Variants in KANSL1 observed in about 807,000 individuals in gnomAD.
KANSL1 encodes the protein KAT8 regulatory NSL complex subunit 1.
In KANSL1, 22 loss-of-function variants were observed where a neutral mutation model predicts 103.6. The ratio of observed to expected loss-of-function variants is 0.21; its 90% CI spans 0.15 to 0.30. The LOEUF is 0.30. Among genes scored for constraint, KANSL1 ranks in the 10% least tolerant of loss-of-function variants. The pLI is 1.00. For missense variants in KANSL1, 1,337 were observed against 1,399.8 expected (o/e 0.96, Z 0.72); for synonymous variants, 600 against 527.6 (o/e 1.14, Z -1.88).
intron 1 of KANSL1, among the ~76,000 whole-genome samples, chr17:46,174,132 T>G (rs2046409747): frequency 8.6e-6 from 1 of 115,714 alleles, no homozygotes; most frequent in Non-Finnish European, 2.3e-5. Context: ...TTTGAAAACT[T>G]GTATCAACAA....
At chr17:46,152,800 G>C (rs62063243) in intron 2 of KANSL1, 1 of 152,110 alleles carries the variant, frequency 6.6e-6, no homozygotes, top group Non-Finnish European at 1.5e-5. Context: ...GGATTAGCAA[G>C]ATAGAGAGCA....
At chr17:46,058,737 ACACACACTCTCTCTCTCTCTCTCTCTCT>A (rs1202630527) in intron 6 of KANSL1, among the ~76,000 whole-genome samples, 2,046 of 72,332 alleles carry the variant, frequency 0.028, 29 homozygotes, top group East Asian at 0.067. Context: ...ACACACACAC[ACACACACTCTCTCTCTCTCTCTCTCTCT>A]CTCTCTCTCT....
rs763185589 is a variant in KANSL1, at chr17:46,066,534, G to A, written c.1848+3C>T. The A allele has an allele frequency of 1.2e-5, 19 of 1,608,960 alleles. No homozygotes were observed. Among genetic ancestry groups the A allele is most frequent in the East Asian group, 6.7e-5 (3 of 44,808 alleles). ...ACAATGACCAACTCTCATCTGTACC[G>A]ACCTTCTTGGAAAGAGGAACGATGC... On this transcript the variant is annotated splice_donor_region_variant and intron_variant, in intron 6 of 14. Coordinates refer to ENST00000432791, the MANE Select transcript of KANSL1 (RefSeq NM_015443.4).
chr17:46,193,841 G>C (rs117442145), upstream of KANSL1: 400 of 163,898 alleles, frequency 2.4e-3, no homozygotes, highest in Non-Finnish European at 3.8e-3. Context: ...GCCGCGGAGC[G>C]AGAGGACGTG....
intron 10 of KANSL1, chr17:46,038,190 A>C: frequency 4.5e-6 from 1 of 223,938 alleles, no homozygotes; most frequent in Non-Finnish European, 8.7e-6. Context: ...TTCTTGGGCC[A>C]ACAGGATTAG....
At chr17:46,192,280 A>G (rs1469017376) in intron 1 of KANSL1, 1 of 152,066 alleles carries the variant, frequency 6.6e-6, no homozygotes, top group African/African-American at 2.4e-5. Flanking sequence ...ACTCACTTAA[A>G]AGCAAATAAA....
At chr17:46,218,640 G>A (rs1409495736) in intron 1 of KANSL1, among the ~76,000 whole-genome samples, 9 of 152,022 alleles carry the variant, frequency 5.9e-5, no homozygotes, top group Admixed American at 2.0e-4. Flanking sequence ...AAAATAAGCC[G>A]GGCATGCTGG....
intron 3 of KANSL1, among the ~76,000 whole-genome samples, chr17:46,090,694 T>G (rs1308371956): frequency 6.6e-6 from 1 of 152,228 alleles, no homozygotes; most frequent in African/African-American, 2.4e-5. Flanking sequence ...CAACATACAT[T>G]CATGTGCCAA....
chr17:46,137,786 G>A (rs2044224776), intron 2 of KANSL1, among the ~76,000 whole-genome samples: 1 of 151,024 alleles, frequency 6.6e-6, no homozygotes, highest in Non-Finnish European at 1.5e-5. Flanking sequence ...AGAATGGCGT[G>A]AACCCAGGAG....
chr17:46,202,312 T>C (rs887377915), intron 1 of KANSL1, among the ~76,000 whole-genome samples: 2 of 152,196 alleles, frequency 1.3e-5, no homozygotes, highest in African/African-American at 4.8e-5. Context: ...CATCCCAAAA[T>C]CTGAAAAATC....
intron 1 of KANSL1, among the ~76,000 whole-genome samples, chr17:46,175,310 CTGTGTGTGTGTGTGTGTGTGTG>C (rs71138529): frequency 1.2e-3 from 161 of 137,580 alleles, no homozygotes; most frequent in Non-Finnish European, 1.8e-3. Flanking sequence ...TGTCTTATTG[CTGTGTGTGTGTGTGTGTGTGTG>C]TGTGTGTGTG....
chr17:46,127,584 G>A (rs995178071), intron 2 of KANSL1, among the ~76,000 whole-genome samples: 2 of 152,118 alleles, frequency 1.3e-5, no homozygotes, highest in Non-Finnish European at 2.9e-5. Context: ...GACCAGCCTG[G>A]GCAACATGGT....
At chr17:46,175,325 T>A (rs1044983917) in intron 1 of KANSL1, among the ~76,000 whole-genome samples, 29 of 110,930 alleles carry the variant, frequency 2.6e-4, no homozygotes, top group African/African-American at 8.2e-4. Context: ...TGTGTGTGTG[T>A]GTGTGTGTGT....
At position 46,086,558 on chromosome 17, in the gene KANSL1, C is replaced by A. The variant is rs546792072; in HGVS notation, c.1432-4016G>T. On this transcript the variant is annotated intron_variant, in intron 3 of 14. Transcript: ENST00000432791. ...AAGTGCTTATTACGTTCTAATACTG[C>A]GGCAAAGAAAAACAATGTAAATAGG... is the stretch of plus-strand genomic sequence containing the variant. Among the ~76,000 whole-genome samples the A allele has an allele frequency of 3.3e-5, 5 of 152,196 alleles. No homozygotes were observed. In the East Asian group the frequency reaches 7.7e-4, roughly 23 times the overall value.
At chr17:46,124,719 G>A (rs1159573357) in intron 2 of KANSL1, among the ~76,000 whole-genome samples, 2 of 152,102 alleles carry the variant, frequency 1.3e-5, no homozygotes, top group Non-Finnish European at 2.9e-5. Flanking sequence ...AGTTGACTCC[G>A]ACTCTCATGG....
chr17:46,046,395 C>T (rs1442662829), intron 7 of KANSL1, among the ~76,000 whole-genome samples: 1 of 151,822 alleles, frequency 6.6e-6, no homozygotes, highest in East Asian at 1.9e-4. Context: ...ATTAGCCAGG[C>T]ATGGTGGTGT....
At chr17:46,046,538 A>ATT (rs2077513590) in intron 7 of KANSL1, among the ~76,000 whole-genome samples, 1 of 146,342 alleles carries the variant, frequency 6.8e-6, no homozygotes, top group South Asian at 2.2e-4. Flanking sequence ...CAAAAAAAAA[A>ATT]AAAAAAAAAA....
intron 2 of KANSL1, among the ~76,000 whole-genome samples, chr17:46,096,314 T>TCTTTC (rs199855346): frequency 1.9e-4 from 14 of 74,630 alleles, no homozygotes; most frequent in Middle Eastern, 0.013. Context: ...TTTTTTTCTT[T>TCTTTC]TTTTTTTTTT....
chr17:46,137,823 C>T (rs957585042), intron 2 of KANSL1, among the ~76,000 whole-genome samples: 14 of 150,670 alleles, frequency 9.3e-5, no homozygotes, highest in Admixed American at 2.0e-4. Context: ...GCCAAAATCA[C>T]GCCACTGCAC....
Sources: gnomAD v4.1 joint callset for allele counts (sites outside exome capture counted in the v4.1 genomes callset) on GRCh38, gnomAD v4.1.1 for gene constraint, MANE v1.5 for transcripts, NCBI Gene and HGNC (gene_info 2026-07-23, HGNC 2026-07-21) for gene names.